SNX29: variants seen among roughly 807,000 people sequenced by gnomAD.
The protein encoded by SNX29 is sorting nexin 29, also known as sorting nexin-29.
SNX29 carries 78 observed loss-of-function variants against 102.1 expected under a neutral mutation model. The observed-to-expected ratio is 0.76, with a 90% CI of 0.64 to 0.92. The LOEUF is 0.92. Among genes scored for constraint, SNX29 ranks in the 40% least tolerant of loss-of-function variants. The probability of loss-of-function intolerance (pLI) is 0.00; values close to 1 mark genes in which losing one functional copy is unlikely to be tolerated. For missense variants in SNX29, 1,280 were observed against 1,061.7 expected, an observed-to-expected ratio of 1.21 and a Z score of -2.86; for synonymous variants, 580 against 414.5, an observed-to-expected ratio of 1.40 and a Z score of -4.85.
At chr16:12,239,811 C>G (rs1397342455) in intron 14 of SNX29, among the ~76,000 whole-genome samples, 1 of 125,462 alleles carries the variant, frequency 8.0e-6, no homozygotes, top group East Asian at 2.1e-4. Context: ...TAGACTGACA[C>G]CCTGTCTCAA....
At chr16:12,357,637 T>C (rs978569160) in intron 16 of SNX29, among the ~76,000 whole-genome samples, 12 of 152,178 alleles carry the variant, frequency 7.9e-5, no homozygotes, top group African/African-American at 2.9e-4. Flanking sequence ...CCACCACCCC[T>C]CTCCAGAACT....
intron 15 of SNX29, among the ~76,000 whole-genome samples, chr16:12,326,549 A>G (rs568861583): frequency 3.9e-4 from 60 of 152,194 alleles, no homozygotes; most frequent in African/African-American, 1.3e-3. Context: ...GTCATAGGTG[A>G]TACATAAATG....
At chr16:12,248,079 T>G (rs772261719) in intron 14 of SNX29, among the ~76,000 whole-genome samples, 13 of 152,222 alleles carry the variant, frequency 8.5e-5, no homozygotes, top group Admixed American at 2.6e-4. Context: ...ATTCTGGTGA[T>G]GCCCCTCTCC....
At position 12,571,827 on chromosome 16, in the gene SNX29, C is replaced by T. The variant is rs999747180; in HGVS notation, c.*3198C>T. 5.8e-6 allele frequency: 6 copies of T among 1,042,932 alleles called. No homozygotes were observed. The highest frequency in any genetic ancestry group is 4.6e-5 in the South Asian group (1 of 21,552). The allele number at this position is 1,042,932 out of a possible 1,614,324, so 64.6% of individuals were successfully genotyped here. A position where few individuals can be genotyped will look rare whatever the true frequency, so the allele number is the denominator to read the frequency against. On this transcript the variant is annotated 3_prime_UTR_variant, in exon 21 of 21. Transcript: ENST00000566228. Reference sequence around the variant, plus strand: ...GTGAAATTCCAGCTTCTTTGATTCCCACTTAGCAGTATGCTCCAATCACGT... The same window carrying T: ...GTGAAATTCCAGCTTCTTTGATTCCTACTTAGCAGTATGCTCCAATCACGT...
intron 15 of SNX29, among the ~76,000 whole-genome samples, chr16:12,352,717 G>A (rs2082022229): frequency 6.6e-6 from 1 of 152,154 alleles, no homozygotes; most frequent in Admixed American, 6.5e-5. Context: ...GGGCCTTTTG[G>A]AGAATCAAGG....
chr16:12,449,443 C>T (rs931489842), intron 18 of SNX29, among the ~76,000 whole-genome samples: 1 of 152,036 alleles, frequency 6.6e-6, no homozygotes, highest in African/African-American at 2.4e-5. Flanking sequence ...CAGTGCAAAG[C>T]AGGTAATGAT....
chr16:12,097,877 G>T (rs528379609), intron 11 of SNX29, among the ~76,000 whole-genome samples: 3 of 152,240 alleles, frequency 2.0e-5, no homozygotes, highest in Non-Finnish European at 4.4e-5. Context: ...AGGCGGGGGT[G>T]GTGGGGAGGC....
At chr16:12,252,747 TAA>T (rs1003427739) in intron 14 of SNX29, among the ~76,000 whole-genome samples, 20 of 152,150 alleles carry the variant, frequency 1.3e-4, no homozygotes, top group African/African-American at 4.8e-4. Context: ...CTCACACCCC[TAA>T]GAGGCAGCCG....
At chr16:12,052,571 A>T (rs778404002) in intron 8 of SNX29, 14 of 278,570 alleles carry the variant, frequency 5.0e-5, no homozygotes, top group Non-Finnish European at 9.7e-5. Flanking sequence ...TTTCTATGGT[A>T]TTGGGTAAAA....
At chr16:12,323,876 A>G (rs1028516437) in intron 15 of SNX29, among the ~76,000 whole-genome samples, 2 of 152,222 alleles carry the variant, frequency 1.3e-5, no homozygotes, top group African/African-American at 4.8e-5. Context: ...GCAGTTGTTA[A>G]GTACTAACTT....
At chr16:12,476,413 C>CATATAT (rs61390803) in intron 18 of SNX29, among the ~76,000 whole-genome samples, 17 of 19,528 alleles carry the variant, frequency 8.7e-4, no homozygotes, top group South Asian at 4.5e-3. Flanking sequence ...TATATATATA[C>CATATAT]ATATATATAT....
chr16:12,282,653 A>G (rs1055817338), intron 15 of SNX29, among the ~76,000 whole-genome samples: 1 of 151,986 alleles, frequency 6.6e-6, no homozygotes, highest in Non-Finnish European at 1.5e-5. Flanking sequence ...ACAATTAAGT[A>G]TTTTTTTGTT....
chr16:12,539,803 A>C (rs146108372), intron 20 of SNX29, among the ~76,000 whole-genome samples: 34 of 152,312 alleles, frequency 2.2e-4, no homozygotes, highest in African/African-American at 7.9e-4. Flanking sequence ...GCATATTTTC[A>C]TGTGGATGTT....
intron 13 of SNX29, among the ~76,000 whole-genome samples, chr16:12,148,981 T>A (rs746430894): frequency 6.6e-6 from 1 of 152,090 alleles, no homozygotes; most frequent in Admixed American, 6.5e-5. Context: ...GGATTACAGG[T>A]GTGAGCCACC....
At chr16:12,159,435 A>G (rs983478304) in intron 13 of SNX29, among the ~76,000 whole-genome samples, 8 of 152,188 alleles carry the variant, frequency 5.3e-5, no homozygotes, top group Non-Finnish European at 1.2e-4. Flanking sequence ...TCAACTTCGG[A>G]TATCTTGGAC....
At chr16:11,980,993 C>T (rs1181687435) in intron 1 of SNX29, among the ~76,000 whole-genome samples, 4 of 149,460 alleles carry the variant, frequency 2.7e-5, no homozygotes, top group African/African-American at 9.9e-5. Flanking sequence ...TGGAGTCTTG[C>T]TCTATCACCC....
chr16:12,054,538 C>G (rs541345319), intron 8 of SNX29, among the ~76,000 whole-genome samples: 1 of 152,240 alleles, frequency 6.6e-6, no homozygotes, highest in Non-Finnish European at 1.5e-5. Flanking sequence ...GGGATTCTTT[C>G]CTTTCCGCCT....
intron 14 of SNX29, among the ~76,000 whole-genome samples, chr16:12,275,631 A>T (rs968650366): frequency 1.3e-5 from 2 of 150,540 alleles, no homozygotes; most frequent in Non-Finnish European, 3.0e-5. Flanking sequence ...CAAGTTATTT[A>T]TCAGTCATCT....
intron 15 of SNX29, among the ~76,000 whole-genome samples, chr16:12,338,794 C>A (rs11863659): frequency 0.11 from 17,007 of 152,196 alleles, 2,470 homozygotes; most frequent in African/African-American, 0.34. Context: ...ATCCCCACCC[C>A]CAGACCCACC....
Sources: allele counts gnomAD v4.1 joint callset (sites outside exome capture counted in the v4.1 genomes callset), GRCh38; gene constraint gnomAD v4.1.1; transcripts MANE v1.5; gene names NCBI Gene and HGNC (gene_info 2026-07-23, HGNC 2026-07-21).